Variants in CNTNAP5 observed in about 807,000 individuals in gnomAD.
CNTNAP5 encodes the protein contactin-associated protein-like 5.
In CNTNAP5, 72 loss-of-function variants were observed where a neutral mutation model predicts 150.2. The ratio of observed to expected loss-of-function variants is 0.48; its 90% CI spans 0.40 to 0.58. CNTNAP5 has a LOEUF of 0.58. Among genes scored for constraint, CNTNAP5 ranks in the 20% least tolerant of loss-of-function variants. The probability of loss-of-function intolerance (pLI) is 0.00; values close to 1 mark genes in which losing one functional copy is unlikely to be tolerated. For synonymous variants in CNTNAP5, 672 were observed against 619.8 expected, an observed-to-expected ratio of 1.08 and a Z score of -1.25; for missense variants, 1,636 against 1,626.2, an observed-to-expected ratio of 1.01 and a Z score of -0.10.
intron 3 of CNTNAP5, among the ~76,000 whole-genome samples, chr2:124,274,453 T>C (rs1168604040): frequency 6.6e-6 from 1 of 152,110 alleles, no homozygotes; most frequent in Non-Finnish European, 1.5e-5. Context: ...CCATTTTGTG[T>C]GGATTGCACA....
At chr2:124,464,320 TCACCCA>T (rs1045957130) in intron 6 of CNTNAP5, among the ~76,000 whole-genome samples, 9 of 152,002 alleles carry the variant, frequency 5.9e-5, no homozygotes, top group Admixed American at 3.3e-4. Flanking sequence ...GGGTAAGAAA[TCACCCA>T]CTCTCTATCA....
chr2:124,654,600 G>A (rs573470052), intron 13 of CNTNAP5, among the ~76,000 whole-genome samples: 2 of 152,062 alleles, frequency 1.3e-5, no homozygotes, highest in African/African-American at 4.8e-5. Flanking sequence ...TACTTCACCC[G>A]CTATGTTCTT....
intron 12 of CNTNAP5, among the ~76,000 whole-genome samples, chr2:124,634,075 A>G (rs1677922364): frequency 6.6e-6 from 1 of 152,172 alleles, no homozygotes; most frequent in Non-Finnish European, 1.5e-5. Flanking sequence ...AGGCTTTCCC[A>G]TTGTCATGGA....
chr2:124,176,178 C>A (rs1685058932), intron 1 of CNTNAP5, among the ~76,000 whole-genome samples: 1 of 152,216 alleles, frequency 6.6e-6, no homozygotes, highest in Non-Finnish European at 1.5e-5. Flanking sequence ...AGTGATGGCA[C>A]ATGCTGTGCG....
At chr2:124,696,077 A>G (rs1185308256) in intron 13 of CNTNAP5, among the ~76,000 whole-genome samples, 1 of 152,142 alleles carries the variant, frequency 6.6e-6, no homozygotes, top group Admixed American at 6.5e-5. Flanking sequence ...CAAATAAATA[A>G]AAAATACTTA....
intron 12 of CNTNAP5, among the ~76,000 whole-genome samples, chr2:124,646,569 C>T (rs7560341): frequency 0.5 from 76,747 of 152,034 alleles, 20,660 homozygotes; most frequent in Non-Finnish European, 0.62. Flanking sequence ...AAAAGCTTTT[C>T]AAGTCTTCCT....
At chr2:124,726,392 C>G (rs1021396301) in intron 13 of CNTNAP5, among the ~76,000 whole-genome samples, 1 of 152,022 alleles carries the variant, frequency 6.6e-6, no homozygotes, top group Non-Finnish European at 1.5e-5. Flanking sequence ...AAGTGTTTGG[C>G]AGTTCCCCCC....
At chr2:124,077,513 C>A (rs958668284) in intron 1 of CNTNAP5, among the ~76,000 whole-genome samples, 1 of 152,150 alleles carries the variant, frequency 6.6e-6, no homozygotes, top group African/African-American at 2.4e-5. Flanking sequence ...GTCTGATGAA[C>A]CAAGCACATA....
chr2:124,648,000 C>T (rs1370562699), intron 13 of CNTNAP5, 42 bp downstream of exon 13: 4 of 1,534,382 alleles, frequency 2.6e-6, no homozygotes, highest in East Asian at 2.4e-5. Flanking sequence ...ATAGATGGGA[C>T]CCTCAGACCT....
chr2:124,535,659 C>G (rs115167543), intron 10 of CNTNAP5, among the ~76,000 whole-genome samples: 77 of 151,390 alleles, frequency 5.1e-4, no homozygotes, highest in African/African-American at 1.8e-3. Context: ...GGCCTGTAAT[C>G]CCAGCTACTC....
chr2:124,543,954 T>TC (rs1481610880), intron 10 of CNTNAP5, among the ~76,000 whole-genome samples: 1 of 151,890 alleles, frequency 6.6e-6, no homozygotes, highest in Non-Finnish European at 1.5e-5. Context: ...CTAGCTAGTT[T>TC]TTTTTTCCTG....
At chr2:124,643,643 T>A (rs546680962) in intron 12 of CNTNAP5, among the ~76,000 whole-genome samples, 6 of 152,326 alleles carry the variant, frequency 3.9e-5, no homozygotes, top group Non-Finnish European at 1.5e-5. Context: ...CTCACTCTAA[T>A]GTTGTAGAAA....
chr2:124,446,808 C>G lies in CNTNAP5; in HGVS notation c.789C>G (p.Leu263=). The change falls in exon 6 of 24, where the codon CTC becomes CTG. Residue 263 remains leucine, a synonymous_variant. Coordinates refer to ENST00000682447, the MANE Select transcript of CNTNAP5 (RefSeq NM_001367498.1). ...TGCCCTCTGCCACCCTGGGCAGCCT[C>G]CTGGATGACCAGCACTGGCACTCGG... ...SSLPSATLGS[L]LDDQHWHSVL... is the part of the protein sequence containing the mutation. 3.1e-6 allele frequency: 5 copies of G among 1,613,888 alleles called. No individual in the cohort carries two copies. The highest frequency in any genetic ancestry group is 4.2e-6 in the Non-Finnish European group (5 of 1,179,830).
At chr2:124,128,831 T>G (rs1009770691) in intron 1 of CNTNAP5, among the ~76,000 whole-genome samples, 2 of 152,142 alleles carry the variant, frequency 1.3e-5, no homozygotes, top group African/African-American at 4.8e-5. Context: ...AAACACTGCA[T>G]ATTCTCACTC....
At chr2:124,550,746 G>T (rs1695610423) in intron 10 of CNTNAP5, among the ~76,000 whole-genome samples, 1 of 152,132 alleles carries the variant, frequency 6.6e-6, no homozygotes, top group South Asian at 2.1e-4. Context: ...GTTGATTAAA[G>T]AAATTTAATT....
At chr2:124,780,824 C>A (rs969904405) in intron 17 of CNTNAP5, among the ~76,000 whole-genome samples, 14 of 152,348 alleles carry the variant, frequency 9.2e-5, no homozygotes, top group Admixed American at 3.3e-4. Flanking sequence ...TCTGGGCAGT[C>A]AGGATTTGGC....
At chr2:124,740,621 A>G (rs1680477975) in intron 13 of CNTNAP5, among the ~76,000 whole-genome samples, 1 of 152,150 alleles carries the variant, frequency 6.6e-6, no homozygotes, top group African/African-American at 2.4e-5. Context: ...TGATCTTTCT[A>G]TGTACTTCTT....
At chr2:124,063,171 C>T (rs931085813) in intron 1 of CNTNAP5, among the ~76,000 whole-genome samples, 5 of 151,960 alleles carry the variant, frequency 3.3e-5, no homozygotes, top group African/African-American at 1.2e-4. Context: ...AAAACTAATA[C>T]AGCCAAATAA....
At chr2:124,433,570 C>A (rs888837580) in intron 4 of CNTNAP5, among the ~76,000 whole-genome samples, 1 of 151,964 alleles carries the variant, frequency 6.6e-6, no homozygotes, top group Non-Finnish European at 1.5e-5. Flanking sequence ...CCCACCCCCT[C>A]CACATAATCA....
Sources: gnomAD v4.1 joint callset for allele counts (sites outside exome capture counted in the v4.1 genomes callset) on GRCh38, gnomAD v4.1.1 for gene constraint, MANE v1.5 for transcripts, NCBI Gene and HGNC (gene_info 2026-07-23, HGNC 2026-07-21) for gene names.